The following OXTR variants were observed in gnomAD, a reference collection of about 807,000 sequenced individuals.
OXTR encodes oxytocin receptor.
Under a neutral mutation model 23.9 loss-of-function variants are expected in OXTR, and 19 were observed. The observed-to-expected ratio is 0.80, with a 90% CI of 0.56 to 1.17. The LOEUF is 1.17. Among genes scored for constraint, OXTR ranks in the 50% most tolerant of loss-of-function variants. OXTR has a pLI of 0.00. For missense variants in OXTR, 500 were observed against 550.7 expected (o/e 0.91, Z 0.92); for synonymous variants, 278 against 250.5 (o/e 1.11, Z -1.04).
intron 3 of OXTR, among the ~76,000 whole-genome samples, chr3:8,757,136 G>T (rs934615869): frequency 2.6e-5 from 4 of 152,066 alleles, no homozygotes; most frequent in African/African-American, 9.7e-5. Flanking sequence ...ACATCTGAGT[G>T]AACTACTGCC....
At chr3:8,747,606 A>G (rs1384582866), downstream of OXTR, among the ~76,000 whole-genome samples, 1 of 152,196 alleles carries the variant, frequency 6.6e-6, no homozygotes, top group Non-Finnish European at 1.5e-5. Flanking sequence ...AACCTTGCCA[A>G]AAGGCACCCA....
chr3:8,746,921 G>A (rs1559657461), downstream of OXTR, among the ~76,000 whole-genome samples: 1 of 151,986 alleles, frequency 6.6e-6, no homozygotes, highest in Non-Finnish European at 1.5e-5. Context: ...CTGTGGTCCG[G>A]TTCTTTCAGA....
intron 3 of OXTR, among the ~76,000 whole-genome samples, chr3:8,761,557 G>A (rs1270996719): frequency 2.0e-5 from 3 of 152,160 alleles, no homozygotes; most frequent in Admixed American, 6.5e-5. Context: ...AGATGGCTGG[G>A]TTCCAATCCC....
chr3:8,768,114 C>A lies in OXTR; in HGVS notation c.74G>T (p.Gly25Val). 7.3e-7 allele frequency: 1 copy of A among 1,378,406 alleles called. No homozygotes were observed. Among genetic ancestry groups the A allele is most frequent in the Non-Finnish European group, 9.3e-7 (1 of 1,072,962 alleles). The allele number at this position is 1,378,406 out of a possible 1,614,324, so 85.4% of individuals were successfully genotyped here. A position where few individuals can be genotyped will look rare whatever the true frequency, so the allele number is the denominator to read the frequency against. Reference protein sequence around the residue: ...NASAAPPGAEGNRTAGPPRRN... With the variant: ...NASAAPPGAEVNRTAGPPRRN... ...CCGCGGGGGTCCGGCGGTGCGGTTG[C>A]CCTCGGCCCCCGGCGGCGCGGCGCT... is the stretch of plus-strand genomic sequence containing the variant. The change falls in exon 3 of 4, where the codon GGC becomes GTC. Residue 25 changes from glycine to valine, a missense_variant. Gly to Val is a moderately radical substitution (Grantham distance 109). Transcript: ENST00000316793. This position sits in a 1 kb window ranked among gnomAD's most constrained non-coding sequence, Gnocchi z 5.4.
At chr3:8,759,677 G>A (rs1356623895) in intron 3 of OXTR, among the ~76,000 whole-genome samples, 1 of 152,240 alleles carries the variant, frequency 6.6e-6, no homozygotes, top group Non-Finnish European at 1.5e-5. Flanking sequence ...TGGAGAGAAA[G>A]GGAGAGAAAC....
chr3:8,741,927 C>T, the OXTR span, among the ~76,000 whole-genome samples: 2 of 152,126 alleles, frequency 1.3e-5, no homozygotes, highest in African/African-American at 2.4e-5. Context: ...AAGGGGACAC[C>T]GACAGAATGT....
Position 8,752,865 on chromosome 3 carries a change from G to T in OXTR, c.*112C>A. On this transcript the variant is annotated 3_prime_UTR_variant, in exon 4 of 4. Transcript: ENST00000316793. ...CTGAAGCCACCCCAAGGAGGGGAGGGATACAAACTGATAGGTACCTTATAC... is the reference window on the plus strand; with the variant it reads ...CTGAAGCCACCCCAAGGAGGGGAGGTATACAAACTGATAGGTACCTTATAC... 8.5e-7 allele frequency: 1 copy of T among 1,183,244 alleles called. No individual in the cohort carries two copies. Among genetic ancestry groups the T allele is most frequent in the Non-Finnish European group, 1.2e-6 (1 of 866,240 alleles). 73.3% of individuals were successfully genotyped at this position (1,183,244 alleles called of 1,614,324 possible).
At chr3:8,745,743 T>A (rs1307088286), downstream of OXTR, 1 of 1,614,080 alleles carries the variant, frequency 6.2e-7, no homozygotes, top group Admixed American at 1.7e-5. The surrounding 1 kb of genome is among the most constrained non-coding windows in gnomAD (Gnocchi z 4.8). Flanking sequence ...AAGAGCTACC[T>A]GATCGAGATC....
At chr3:8,757,968 G>A (rs1708409288) in intron 3 of OXTR, among the ~76,000 whole-genome samples, 1 of 152,166 alleles carries the variant, frequency 6.6e-6, no homozygotes, top group Non-Finnish European at 1.5e-5. Flanking sequence ...TGAACAGGGG[G>A]TAAAGCATTT....
chr3:8,745,702 C>A (rs1252831704), downstream of OXTR: 2 of 1,614,216 alleles, frequency 1.2e-6, no homozygotes, highest in East Asian at 4.5e-5. This position sits in a 1 kb window ranked among gnomAD's most constrained non-coding sequence, Gnocchi z 4.8. Context: ...GCATCTCCTT[C>A]TGCCACATCT....
the OXTR span, among the ~76,000 whole-genome samples, chr3:8,741,801 C>A: frequency 2.6e-5 from 4 of 152,128 alleles, no homozygotes; most frequent in African/African-American, 7.2e-5. Context: ...CTCAAGCAAT[C>A]CCCCGCCCTG....
At chr3:8,762,874 T>C (rs1244848720) in intron 3 of OXTR, among the ~76,000 whole-genome samples, 1 of 152,198 alleles carries the variant, frequency 6.6e-6, no homozygotes, top group Non-Finnish European at 1.5e-5. Flanking sequence ...GACAGCTGCT[T>C]AGAAAGTCCC....
intron 3 of OXTR, among the ~76,000 whole-genome samples, chr3:8,759,256 C>T (rs1708439138): frequency 6.6e-6 from 1 of 152,240 alleles, no homozygotes; most frequent in South Asian, 2.1e-4. Context: ...TCAAATGACA[C>T]TTCCCCTCTG....
At chr3:8,759,974 C>T (rs959305627) in intron 3 of OXTR, among the ~76,000 whole-genome samples, 1 of 152,190 alleles carries the variant, frequency 6.6e-6, no homozygotes, top group Non-Finnish European at 1.5e-5. Context: ...ACTGGCCTCC[C>T]GCCTCCTCCA....
chr3:8,754,804 G>A (rs1708341405), intron 3 of OXTR, among the ~76,000 whole-genome samples: 1 of 152,136 alleles, frequency 6.6e-6, no homozygotes, highest in Non-Finnish European at 1.5e-5. Flanking sequence ...TAATTCTAAT[G>A]CACCCTCAAG....
intron 3 of OXTR, among the ~76,000 whole-genome samples, chr3:8,765,392 G>C (rs2125005321): frequency 6.6e-6 from 1 of 152,334 alleles, no homozygotes; most frequent in South Asian, 2.1e-4. Flanking sequence ...ACCCCAAGGA[G>C]AGAGGAGTGG....
chr3:8,765,673 T>G (rs886346475), intron 3 of OXTR, among the ~76,000 whole-genome samples: 1 of 152,220 alleles, frequency 6.6e-6, no homozygotes, highest in African/African-American at 2.4e-5. Context: ...ACTTAGAGAC[T>G]TCCACTACTG....
At chr3:8,759,403 G>C (rs1467171566) in intron 3 of OXTR, among the ~76,000 whole-genome samples, 1 of 152,154 alleles carries the variant, frequency 6.6e-6, no homozygotes, top group Non-Finnish European at 1.5e-5. Context: ...TCTTTGGCTG[G>C]GGACTGTGTC....
At chr3:8,754,429 G>C (rs1708335328) in intron 3 of OXTR, among the ~76,000 whole-genome samples, 1 of 152,184 alleles carries the variant, frequency 6.6e-6, no homozygotes, top group Non-Finnish European at 1.5e-5. Context: ...CCACCTCCTT[G>C]TGTGTGAAGG....
Sources: allele counts gnomAD v4.1 joint callset (sites outside exome capture counted in the v4.1 genomes callset), GRCh38; gene constraint gnomAD v4.1.1; non-coding constraint Gnocchi (gnomAD v3.1); transcripts MANE v1.5; gene names NCBI Gene and HGNC (gene_info 2026-07-23, HGNC 2026-07-21).